The following NUP62CL variants were observed in gnomAD, a reference collection of about 807,000 sequenced individuals.
NUP62CL encodes nucleoporin-62 C-terminal-like protein.
A neutral mutation model predicts 15.3 loss-of-function variants in NUP62CL; 13 were observed. The ratio of observed to expected loss-of-function variants is 0.85; its 90% CI spans 0.55 to 1.35. The LOEUF is 1.35. Ranked by LOEUF, NUP62CL falls within the 40% of genes most tolerant of loss-of-function variation. The pLI is 0.00. For synonymous variants in NUP62CL, 54 were observed against 49.2 expected (o/e 1.10, Z -0.41); for missense variants, 123 against 130.6 (o/e 0.94, Z 0.28).
chrX:107,191,312 T>C (rs1602665071), intron 2 of NUP62CL, among the ~76,000 whole-genome samples: 1 of 107,999 alleles, frequency 9.3e-6, no homozygotes, highest in Non-Finnish European at 1.9e-5. Context: ...TTCTCATTCA[T>C]AGATAAAGGT....
chrX:107,155,168 T>C (rs1463699211), intron 4 of NUP62CL, among the ~76,000 whole-genome samples: 1 of 112,088 alleles, frequency 8.9e-6, no homozygotes, highest in African/African-American at 3.2e-5. Flanking sequence ...CAAGACTAAA[T>C]GAGGTAGGGC....
chrX:107,188,570 A>G (rs1016030123), intron 2 of NUP62CL, among the ~76,000 whole-genome samples: 1 of 111,535 alleles, frequency 9.0e-6, no homozygotes, highest in Non-Finnish European at 1.9e-5. Flanking sequence ...TAAGATCAAT[A>G]ACAAGGCAAC....
intron 7 of NUP62CL, among the ~76,000 whole-genome samples, chrX:107,151,473 T>A (rs1926009110): frequency 9.2e-6 from 1 of 108,585 alleles, no homozygotes; most frequent in Admixed American, 1.0e-4. Flanking sequence ...ACCTGCTAAG[T>A]TCACAAGTTA....
chrX:107,157,805 A>C (rs1926245973), intron 4 of NUP62CL, among the ~76,000 whole-genome samples: 1 of 111,463 alleles, frequency 9.0e-6, no homozygotes. Flanking sequence ...AAATGGACTA[A>C]ATTCTCCAAT....
chrX:107,167,368 G>T (rs1926541944), intron 4 of NUP62CL, among the ~76,000 whole-genome samples: 2 of 111,887 alleles, frequency 1.8e-5, no homozygotes, highest in Non-Finnish European at 3.8e-5. Flanking sequence ...GTAATGCATT[G>T]TCATCTTGCT....
chrX:107,164,928 G>A (rs961527977), intron 4 of NUP62CL, among the ~76,000 whole-genome samples: 1 of 112,079 alleles, frequency 8.9e-6, no homozygotes, highest in Non-Finnish European at 1.9e-5. Context: ...GTGAAACCCC[G>A]TCTCTACTAA....
chrX:107,184,478 G>A (rs770363892), intron 2 of NUP62CL, among the ~76,000 whole-genome samples: 2 of 111,109 alleles, frequency 1.8e-5, no homozygotes, highest in African/African-American at 6.5e-5. Context: ...TAGAATAGAG[G>A]GAGAGTACAG....
chrX:107,173,089 A>C (rs549110003), intron 3 of NUP62CL, among the ~76,000 whole-genome samples: 2 of 112,379 alleles, frequency 1.8e-5, no homozygotes, highest in African/African-American at 6.5e-5. Flanking sequence ...CAAGTGTTCT[A>C]GCCGAAGTTG....
intron 2 of NUP62CL, among the ~76,000 whole-genome samples, chrX:107,177,916 A>T (rs1445135361): frequency 8.9e-6 from 1 of 111,806 alleles, no homozygotes; most frequent in Non-Finnish European, 1.9e-5. Context: ...TATTCATAGC[A>T]GTATTATTCA....
intron 7 of NUP62CL, among the ~76,000 whole-genome samples, chrX:107,151,753 G>A (rs1005427841): frequency 4.0e-4 from 43 of 108,376 alleles, no homozygotes; most frequent in Non-Finnish European, 3.0e-4. Flanking sequence ...AATCTGGGCC[G>A]GGCGCGGTGG....
chrX:107,157,586 T>A (rs1926237062), intron 4 of NUP62CL, among the ~76,000 whole-genome samples: 1 of 107,398 alleles, frequency 9.3e-6, no homozygotes, highest in African/African-American at 3.4e-5. Context: ...GCTGAGAGAT[T>A]TTGTCACCAC....
intron 4 of NUP62CL, among the ~76,000 whole-genome samples, chrX:107,157,498 TC>T (rs1336851622): frequency 9.5e-6 from 1 of 105,606 alleles, no homozygotes; most frequent in Non-Finnish European, 2.0e-5. Context: ...AAAAGAATTT[TC>T]AACCCAGAAT....
intron 2 of NUP62CL, among the ~76,000 whole-genome samples, chrX:107,182,349 TCCC>T (rs927087628): frequency 1.8e-5 from 2 of 111,418 alleles, no homozygotes; most frequent in African/African-American, 6.5e-5. Flanking sequence ...TGGCCAAAAT[TCCC>T]CCATGGTGGG....
intron 1 of NUP62CL, 41 bp downstream of exon 1, chrX:107,206,232 C>G (rs753352468): frequency 2.3e-4 from 25 of 110,617 alleles, no homozygotes; most frequent in African/African-American, 6.6e-4. Flanking sequence ...GAGAGCGAAG[C>G]CTGCTGACGA....
At chrX:107,131,438 T>C (rs1303519311) in intron 8 of NUP62CL, among the ~76,000 whole-genome samples, 1 of 112,175 alleles carries the variant, frequency 8.9e-6, no homozygotes, top group Non-Finnish European at 1.9e-5. Context: ...CTTTGGGATA[T>C]CTATGTGCAG....
intron 4 of NUP62CL, among the ~76,000 whole-genome samples, chrX:107,162,358 T>A (rs1040743712): frequency 3.6e-5 from 4 of 110,717 alleles, no homozygotes; most frequent in Non-Finnish European, 7.6e-5. Context: ...TGTGAAAAGA[T>A]ATAAACTCAT....
At chrX:107,147,250 T>C (rs1925902074) in intron 8 of NUP62CL, among the ~76,000 whole-genome samples, 1 of 111,533 alleles carries the variant, frequency 9.0e-6, no homozygotes, top group Non-Finnish European at 1.9e-5. Flanking sequence ...ATGTTCCTTA[T>C]ATCCTTAAGA....
At chrX:107,162,327 A>T (rs907775290) in intron 4 of NUP62CL, among the ~76,000 whole-genome samples, 2 of 111,679 alleles carry the variant, frequency 1.8e-5, no homozygotes, top group East Asian at 5.6e-4. Context: ...TTAAAAAAAA[A>T]GATTGAAAAC....
At chrX:107,172,404 T>C (rs781122615) in intron 3 of NUP62CL, among the ~76,000 whole-genome samples, 10 of 111,774 alleles carry the variant, frequency 8.9e-5, no homozygotes, top group Admixed American at 1.9e-4. Flanking sequence ...TGACTTTTAG[T>C]TTAAGCCAGA....
Sources: gnomAD v4.1 joint callset for allele counts (sites outside exome capture counted in the v4.1 genomes callset) on GRCh38, gnomAD v4.1.1 for gene constraint, MANE v1.5 for transcripts, NCBI Gene and HGNC (gene_info 2026-07-23, HGNC 2026-07-21) for gene names.